The following ATP11A variants were observed in gnomAD, a reference collection of about 807,000 sequenced individuals.
ATP11A encodes the protein ATPase phospholipid transporting 11A.
ATP11A carries 81 observed loss-of-function variants against 154.4 expected under a neutral mutation model. The ratio of observed to expected loss-of-function variants is 0.52; its 90% CI spans 0.44 to 0.63. ATP11A has a LOEUF of 0.63. ATP11A is among the 30% of genes least tolerant of loss of function. The pLI, the probability that ATP11A is intolerant of heterozygous loss-of-function variation, is 0.00. For synonymous variants in ATP11A, 623 were observed against 585.9 expected (o/e 1.06, Z -0.91); for missense variants, 1,316 against 1,474.3 (o/e 0.89, Z 1.76).
chr13:112,832,937 C>A lies in ATP11A; in HGVS notation c.1473C>A (p.Gly491=). 1 of 1,614,052 alleles carries A rather than the reference C, an allele frequency of 6.2e-7. No homozygotes were observed. Residue 491 remains glycine, a synonymous_variant, in exon 14 of 30, where the codon GGC becomes GGA. Coordinates refer to ENST00000375645, the MANE Select transcript of ATP11A (RefSeq NM_015205.3). The part of the protein sequence containing the change: ...VQVKDDDSVD[G]PRKSPDGGKS... ...TGAAAGACGATGACAGCGTAGACGG[C>A]CCCAGGAAATCGCCGGACGGGGGGA... is the stretch of plus-strand genomic sequence containing the variant.
At chr13:112,766,880 C>T (rs71446914) in intron 1 of ATP11A, among the ~76,000 whole-genome samples, 8 of 3,796 alleles carry the variant, frequency 2.1e-3, no homozygotes, top group East Asian at 0.026. Flanking sequence ...TGTGGGAGTG[C>T]TGGGAGCCCC....
intron 1 of ATP11A, among the ~76,000 whole-genome samples, chr13:112,715,465 T>TTCCCCACACCTGGCCCATC (rs1888335831): frequency 1.7e-4 from 1 of 5,778 alleles, no homozygotes; most frequent in Non-Finnish European, 7.2e-4. Flanking sequence ...ACCTGGCCCA[T>TTCCCCACACCTGGCCCATC]CCCCCACACC....
chr13:112,874,796 G>T (rs1383676930), intron 27 of ATP11A, among the ~76,000 whole-genome samples: 3 of 152,160 alleles, frequency 2.0e-5, no homozygotes, highest in African/African-American at 4.8e-5. Context: ...GCTCTAGAGA[G>T]CCCAGCCCGG....
chr13:112,779,491 A>G (rs1213879997), intron 1 of ATP11A, among the ~76,000 whole-genome samples: 1 of 152,220 alleles, frequency 6.6e-6, no homozygotes, highest in African/African-American at 2.4e-5. Flanking sequence ...ATCTTTAAAA[A>G]AAGTAATTAA....
intron 17 of ATP11A, among the ~76,000 whole-genome samples, chr13:112,847,522 C>T (rs2079643759): frequency 6.6e-6 from 1 of 152,256 alleles, no homozygotes; most frequent in African/African-American, 2.4e-5. Flanking sequence ...ACTCTCCTCT[C>T]CCACTGAGTG....
intron 25 of ATP11A, among the ~76,000 whole-genome samples, chr13:112,864,726 G>A (rs34879730): frequency 1.9e-4 from 8 of 43,110 alleles, no homozygotes; most frequent in African/African-American, 7.8e-4. Context: ...AGTGCAGCAC[G>A]TGCAGCTTCC....
intron 6 of ATP11A, among the ~76,000 whole-genome samples, chr13:112,816,568 G>A (rs909655204): frequency 6.6e-6 from 1 of 152,014 alleles, no homozygotes; most frequent in African/African-American, 2.4e-5. Context: ...TAACCTACTC[G>A]ATGCGGCAAA....
Position 112,696,456 on chromosome 13 carries a change from G to A in ATP11A, c.39+6001G>A, listed in dbSNP as rs764547899. Reference sequence around the variant, plus strand: ...CTCCTCCGGTTGGAGCGAGTGACCCGTTCTGCCGAAGTCCAGTCCCGTGTG... The same window carrying A: ...CTCCTCCGGTTGGAGCGAGTGACCCATTCTGCCGAAGTCCAGTCCCGTGTG... On this transcript the variant is annotated intron_variant, in intron 1 of 29. Coordinates refer to ENST00000375645, the MANE Select transcript of ATP11A (RefSeq NM_015205.3). This position sits in a 1 kb window ranked among gnomAD's most constrained non-coding sequence, Gnocchi z 6.2. Among the ~76,000 whole-genome samples the A allele has an allele frequency of 2.0e-5, 3 of 152,006 alleles. No individual in the cohort carries two copies. The highest frequency in any genetic ancestry group is 4.4e-5 in the Non-Finnish European group (3 of 68,012).
Position 112,882,298 on chromosome 13 carries a change from C to A in ATP11A, c.*432C>A. On this transcript the variant is annotated 3_prime_UTR_variant, in exon 30 of 30. Transcript: ENST00000375645. This position sits in a 1 kb window ranked among gnomAD's most constrained non-coding sequence, Gnocchi z 5.1. The stretch of plus-strand genomic sequence containing the variant: ...AGAGGCCATTCCCCCAGGCCTGTGT[C>A]TTCACCCACCTGCCATCATTGGCCT... 1 of 415,716 alleles carries A rather than the reference C, an allele frequency of 2.4e-6. No individual in the cohort carries two copies. Among genetic ancestry groups the A allele is most frequent in the Non-Finnish European group, 4.3e-6 (1 of 235,050 alleles). 25.8% of individuals were successfully genotyped at this position (415,716 alleles called of 1,614,324 possible). A position where few individuals can be genotyped will look rare whatever the true frequency, so the allele number is the denominator to read the frequency against.
intron 2 of ATP11A, among the ~76,000 whole-genome samples, chr13:112,789,247 CG>C (rs1472531177): frequency 1.3e-5 from 2 of 149,796 alleles, no homozygotes; most frequent in African/African-American, 2.5e-5. Flanking sequence ...TAATCCACAC[CG>C]GGTGTCCTGA....
intron 2 of ATP11A, among the ~76,000 whole-genome samples, chr13:112,803,409 T>G (rs2078189998): frequency 6.6e-6 from 1 of 152,188 alleles, no homozygotes; most frequent in African/African-American, 2.4e-5. Context: ...GAACCCACCT[T>G]CGAATGGGAT....
intron 1 of ATP11A, among the ~76,000 whole-genome samples, chr13:112,747,673 T>C (rs1156576822): frequency 6.6e-6 from 1 of 152,044 alleles, no homozygotes; most frequent in Non-Finnish European, 1.5e-5. Flanking sequence ...CCATCTCTAC[T>C]AAAAGTACAA....
At chr13:112,802,140 T>C (rs1316876606) in intron 2 of ATP11A, among the ~76,000 whole-genome samples, 1 of 151,970 alleles carries the variant, frequency 6.6e-6, no homozygotes, top group African/African-American at 2.4e-5. Context: ...GTCAGGAGAT[T>C]GAGACCAACC....
At chr13:112,819,450 C>T (rs750902387) in intron 7 of ATP11A, 43 bp downstream of exon 7, 20 of 1,560,156 alleles carry the variant, frequency 1.3e-5, no homozygotes, top group Non-Finnish European at 1.7e-5. Flanking sequence ...TTTTTTATGC[C>T]CTCAACATTG....
In ATP11A at chr13:112,882,146, C is replaced by T; in HGVS notation, c.*280C>T. On this transcript the variant is annotated 3_prime_UTR_variant, in exon 30 of 30. Transcript: ENST00000375645. The surrounding 1 kb of genome is among the most constrained non-coding windows in gnomAD (Gnocchi z 5.1). The stretch of plus-strand genomic sequence containing the variant: ...GCAAGGAGGGGGGTCACAGGCCTTG[C>T]CCTCGAGCATGGCACCCTGGCCGCC... The T allele has an allele frequency of 7.6e-7, 1 of 1,313,350 alleles. No homozygotes were observed. The highest frequency in any genetic ancestry group is 2.0e-5 in the Admixed American group (1 of 50,266). The allele number at this position is 1,313,350 out of a possible 1,614,324, so 81.4% of individuals were successfully genotyped here. A position where few individuals can be genotyped will look rare whatever the true frequency, so the allele number is the denominator to read the frequency against.
At position 112,823,366 on chromosome 13, in the gene ATP11A, G is replaced by A. The variant is rs752785696; in HGVS notation, c.747G>A (p.Leu249=). The A allele has an allele frequency of 3.7e-6, 6 of 1,613,786 alleles. No homozygotes were observed. The highest frequency in any genetic ancestry group is 5.1e-6 in the Non-Finnish European group (6 of 1,179,822). ...PVVRPLGSEN[L]LLRGATLKNT... Reference sequence around the variant, plus strand: ...ACAGGCCCTTAGGATCGGAAAACCTGCTGCTTAGAGGAGCTACACTGAAGA... The same window carrying A: ...ACAGGCCCTTAGGATCGGAAAACCTACTGCTTAGAGGAGCTACACTGAAGA... The change falls in exon 9 of 30, where the codon CTG becomes CTA. Residue 249 remains leucine, a synonymous_variant. Coordinates refer to ENST00000375645, the MANE Select transcript of ATP11A (RefSeq NM_015205.3).
intron 1 of ATP11A, among the ~76,000 whole-genome samples, chr13:112,732,152 C>T (rs888413882): frequency 4.6e-5 from 7 of 152,158 alleles, no homozygotes; most frequent in African/African-American, 1.7e-4. Context: ...CAAGCAGCTC[C>T]TCCATTCAGG....
chr13:112,732,936 TTA>T (rs1353601949), intron 1 of ATP11A, among the ~76,000 whole-genome samples: 1 of 152,210 alleles, frequency 6.6e-6, no homozygotes, highest in Non-Finnish European at 1.5e-5. Flanking sequence ...TAATTAGTGC[TTA>T]TGTTTTATTT....
rs767946884 is a variant in ATP11A at position 112,882,095 on chromosome 13, A to G, written c.*229A>G. The stretch of plus-strand genomic sequence containing the variant: ...GGTCCTAAGCCTGTGGAGACTGTGC[A>G]CGTGCCTCTTCCTGGCCCCCAGCAG... On this transcript the variant is annotated 3_prime_UTR_variant, in exon 30 of 30. Coordinates refer to ENST00000375645, the MANE Select transcript of ATP11A (RefSeq NM_015205.3). The surrounding 1 kb of genome is among the most constrained non-coding windows in gnomAD (Gnocchi z 5.1). 1 of 1,355,462 alleles carries G rather than the reference A, an allele frequency of 7.4e-7. No homozygotes were observed. The highest frequency in any genetic ancestry group is 1.1e-5 in the South Asian group (1 of 87,748). 84.0% of individuals were successfully genotyped at this position (1,355,462 alleles called of 1,614,324 possible). A position where few individuals can be genotyped will look rare whatever the true frequency, so the allele number is the denominator to read the frequency against.
Sources: gnomAD v4.1 joint callset for allele counts (sites outside exome capture counted in the v4.1 genomes callset) on GRCh38, gnomAD v4.1.1 for gene constraint, Gnocchi (gnomAD v3.1) non-coding constraint, MANE v1.5 for transcripts, NCBI Gene and HGNC (gene_info 2026-07-23, HGNC 2026-07-21) for gene names.